The following CDK5RAP2 variants were observed in gnomAD, a reference collection of about 807,000 sequenced individuals.
CDK5RAP2 encodes CDK5 regulatory subunit-associated protein 2.
Under a neutral mutation model 232.9 loss-of-function variants are expected in CDK5RAP2, and 147 were observed. The observed-to-expected ratio is 0.63, with a 90% CI of 0.55 to 0.72. The LOEUF is 0.72. CDK5RAP2 is among the 30% of genes least tolerant of loss of function. The pLI is 0.00. For synonymous variants in CDK5RAP2, 833 were observed against 833.7 expected (o/e 1.00, Z 0.01); for missense variants, 2,195 against 2,231.5 (o/e 0.98, Z 0.33).
rs141148495 is a variant in CDK5RAP2, at chr9:120,437,264, T to A, written c.3955+31A>T. On this transcript the variant is annotated intron_variant, in intron 25 of 37. Transcript: ENST00000349780. ...AGAAGTCCTGGGTCAATTACTGATG[T>A]CTTAAGACTCGCGTACCTCACCCTA... 629 of 1,499,250 alleles carry A rather than the reference T, an allele frequency of 4.2e-4. 1 individual carries two copies. The highest frequency in any genetic ancestry group is 5.1e-4 in the Non-Finnish European group (556 of 1,088,288). 92.9% of individuals were successfully genotyped at this position (1,499,250 alleles called of 1,614,324 possible).
At chr9:120,554,424 T>G (rs1194064638) in intron 3 of CDK5RAP2, among the ~76,000 whole-genome samples, 1 of 152,202 alleles carries the variant, frequency 6.6e-6, no homozygotes, top group Non-Finnish European at 1.5e-5. Context: ...CAAGCTCAGT[T>G]TTCAATGGTA....
At chr9:120,420,932 ATC>A (rs1310521310) in intron 26 of CDK5RAP2, among the ~76,000 whole-genome samples, 1 of 152,188 alleles carries the variant, frequency 6.6e-6, no homozygotes, top group African/African-American at 2.4e-5. Context: ...AAAAAAACAA[ATC>A]TGTCAGAAAT....
intron 14 of CDK5RAP2, among the ~76,000 whole-genome samples, chr9:120,483,064 C>A (rs1359807125): frequency 2.0e-5 from 3 of 152,156 alleles, no homozygotes; most frequent in East Asian, 3.9e-4. Flanking sequence ...CAACAGCAAC[C>A]AACCCCCACT....
chr9:120,474,499 G>C (rs2037897153), intron 15 of CDK5RAP2, among the ~76,000 whole-genome samples: 2 of 152,092 alleles, frequency 1.3e-5, no homozygotes, highest in Non-Finnish European at 2.9e-5. Flanking sequence ...AAATTATCCA[G>C]CCTCAAAGCC....
In CDK5RAP2 at chr9:120,448,134, C is replaced by T. The variant is rs753222198; in HGVS notation, c.2794-8G>A. The T allele has an allele frequency of 3.7e-5, 59 of 1,585,416 alleles. No individual in the cohort carries two copies. Among genetic ancestry groups the T allele is most frequent in the South Asian group, 6.6e-5 (6 of 90,490 alleles). On this transcript the variant is annotated splice_region_variant and splice_polypyrimidine_tract_variant and intron_variant, in intron 21 of 37. Transcript: ENST00000349780. ...GCGGGACTTCTTAGCCTCCTGAAAA[C>T]ACACATATGCAACAATGAATACACT...
intron 1 of CDK5RAP2, among the ~76,000 whole-genome samples, chr9:120,573,182 T>C (rs551499105): frequency 6.6e-6 from 1 of 152,330 alleles, no homozygotes; most frequent in East Asian, 1.9e-4. Context: ...AGTTGGAATG[T>C]ACCTTCAAGA....
chr9:120,409,433 G>T, intron 29 of CDK5RAP2, 117 bp from the exon 30 acceptor site: 1 of 817,776 alleles, frequency 1.2e-6, no homozygotes, highest in Non-Finnish European at 2.0e-6. Flanking sequence ...TGGCATTTAT[G>T]ATTTTGGCAT....
intron 2 of CDK5RAP2, 49 bp from the exon 3 acceptor site, chr9:120,568,437 A>C (rs770523393): frequency 5.9e-5 from 77 of 1,313,466 alleles, no homozygotes; most frequent in Non-Finnish European, 8.3e-5. Flanking sequence ...CAAACTGCCC[A>C]GTGTTCCTAT....
intron 27 of CDK5RAP2, among the ~76,000 whole-genome samples, chr9:120,416,408 G>T (rs2034222189): frequency 6.6e-6 from 1 of 152,132 alleles, no homozygotes; most frequent in Non-Finnish European, 1.5e-5. Flanking sequence ...GATACTGCAA[G>T]GAAGACTAAA....
intron 12 of CDK5RAP2, chr9:120,517,897 A>C: frequency 3.0e-6 from 1 of 334,408 alleles, no homozygotes; most frequent in South Asian, 2.5e-5. Flanking sequence ...CTGTCTCAAA[A>C]AAAACAACAA....
intron 30 of CDK5RAP2, among the ~76,000 whole-genome samples, chr9:120,408,815 T>C (rs2033657050): frequency 6.6e-6 from 1 of 152,256 alleles, no homozygotes; most frequent in Admixed American, 6.5e-5. Flanking sequence ...CCATTCTGCC[T>C]GAAATGATCT....
chr9:120,463,596 C>G (rs2037210304), intron 18 of CDK5RAP2, among the ~76,000 whole-genome samples: 1 of 152,184 alleles, frequency 6.6e-6, no homozygotes, highest in African/African-American at 2.4e-5. Context: ...CTCCCAGACT[C>G]CTGCGGATCT....
At chr9:120,527,204 G>A (rs1356285029) in intron 10 of CDK5RAP2, among the ~76,000 whole-genome samples, 1 of 152,146 alleles carries the variant, frequency 6.6e-6, no homozygotes, top group Non-Finnish European at 1.5e-5. Context: ...GGATCACAAA[G>A]GCAACCATCA....
intron 12 of CDK5RAP2, among the ~76,000 whole-genome samples, chr9:120,503,586 G>A (rs1197273644): frequency 1.3e-5 from 2 of 152,146 alleles, no homozygotes; most frequent in Non-Finnish European, 2.9e-5. Context: ...CCCTAGTCTT[G>A]AATCCTGCCT....
At chr9:120,575,754 T>C (rs2043011075) in intron 1 of CDK5RAP2, among the ~76,000 whole-genome samples, 1 of 152,226 alleles carries the variant, frequency 6.6e-6, no homozygotes, top group African/African-American at 2.4e-5. Flanking sequence ...AATCACTGTT[T>C]TCAAAAAGAC....
At chr9:120,432,361 T>C (rs79503601) in intron 25 of CDK5RAP2, among the ~76,000 whole-genome samples, 1,847 of 152,370 alleles carry the variant, frequency 0.012, 33 homozygotes, top group Admixed American at 0.041. Context: ...CACTTTGTTG[T>C]GTGATGCAAC....
At chr9:120,466,277 C>A (rs528702890) in intron 18 of CDK5RAP2, among the ~76,000 whole-genome samples, 1 of 151,956 alleles carries the variant, frequency 6.6e-6, no homozygotes, top group African/African-American at 2.4e-5. Flanking sequence ...CCCAGAGAAC[C>A]GCAGGCTCCA....
intron 1 of CDK5RAP2, among the ~76,000 whole-genome samples, chr9:120,573,702 T>C (rs1035979680): frequency 6.6e-6 from 1 of 152,236 alleles, no homozygotes; most frequent in Non-Finnish European, 1.5e-5. Context: ...GGGCTACAGA[T>C]ATATAACAAG....
intron 12 of CDK5RAP2, among the ~76,000 whole-genome samples, chr9:120,503,548 G>C (rs78251758): frequency 1.3e-5 from 2 of 152,120 alleles, no homozygotes; most frequent in Non-Finnish European, 2.9e-5. Flanking sequence ...AACCTCCTTC[G>C]ATATTCCTGG....
Sources: allele counts gnomAD v4.1 joint callset (sites outside exome capture counted in the v4.1 genomes callset), GRCh38; gene constraint gnomAD v4.1.1; transcripts MANE v1.5; gene names NCBI Gene and HGNC (gene_info 2026-07-23, HGNC 2026-07-21).